GRID2: variants seen among roughly 807,000 people sequenced by gnomAD.
GRID2 encodes the protein glutamate receptor ionotropic, delta-2.
GRID2 carries 33 observed loss-of-function variants against 114.8 expected under a neutral mutation model. The observed-to-expected ratio is 0.29, with a 90% CI of 0.22 to 0.38. The LOEUF (loss-of-function observed/expected upper bound fraction) is 0.38. Ranked by LOEUF, GRID2 falls within the 10% of genes least tolerant of loss-of-function variation. The pLI, the probability that GRID2 is intolerant of heterozygous loss-of-function variation, is 1.00. For synonymous variants in GRID2, 505 were observed against 449.9 expected (o/e 1.12, Z -1.55); for missense variants, 1,184 against 1,257.7 (o/e 0.94, Z 0.89).
chr4:93,584,534 TG>T (rs1180889304), intron 13 of GRID2, among the ~76,000 whole-genome samples: 3 of 152,120 alleles, frequency 2.0e-5, no homozygotes, highest in African/African-American at 7.2e-5. Context: ...TGAACTATTG[TG>T]TTCTAGTCTT....
rs1304360148 is a variant in GRID2 at position 92,420,679 on chromosome 4, T to C, written c.88+115935T>C. Among the ~76,000 whole-genome samples, 5 of 152,136 alleles carry C rather than the reference T, an allele frequency of 3.3e-5. No individual in the cohort carries two copies. In the East Asian group the frequency reaches 7.7e-4, roughly 24 times the overall value. ...ATGGACATCACCCACACTGAAATGT[T>C]TTTTGTTTTGTTTTGTTTTGTTTGA... On this transcript the variant is annotated intron_variant, in intron 1 of 15. Coordinates refer to ENST00000282020, the MANE Select transcript of GRID2 (RefSeq NM_001510.4).
chr4:92,935,260 T>G lies in GRID2; in HGVS notation c.245-149735T>G, dbSNP rs565466252. Among the ~76,000 whole-genome samples, 13 of 147,408 alleles carry G rather than the reference T, an allele frequency of 8.8e-5. 1 individual carries two copies. The East Asian group carries it at 2.6e-3, about 29-fold the overall frequency. ...GACACTTCTCAAAAGAAGACATTTATGCAGCCAAAAAACACATGAAAAAAG... is the reference window on the plus strand; with the variant it reads ...GACACTTCTCAAAAGAAGACATTTAGGCAGCCAAAAAACACATGAAAAAAG... On this transcript the variant is annotated intron_variant, in intron 2 of 15. Transcript: ENST00000282020.
At chr4:92,782,277 T>C (rs1159910782) in intron 2 of GRID2, among the ~76,000 whole-genome samples, 1 of 152,090 alleles carries the variant, frequency 6.6e-6, no homozygotes. Flanking sequence ...TGTGCTAAAA[T>C]TGTATCATTA....
intron 8 of GRID2, among the ~76,000 whole-genome samples, chr4:93,252,033 T>C (rs76377542): frequency 1.9e-3 from 290 of 152,270 alleles, no homozygotes; most frequent in South Asian, 0.012. Flanking sequence ...TATTTCAGTC[T>C]TTAGGACTTT....
At chr4:93,052,053 A>C (rs540342596) in intron 2 of GRID2, among the ~76,000 whole-genome samples, 1 of 152,132 alleles carries the variant, frequency 6.6e-6, no homozygotes, top group African/African-American at 2.4e-5. Flanking sequence ...TATTTTTGTC[A>C]GTCTAGAATA....
intron 1 of GRID2, among the ~76,000 whole-genome samples, chr4:92,560,609 C>A (rs1727059180): frequency 6.8e-6 from 1 of 147,388 alleles, no homozygotes; most frequent in African/African-American, 2.7e-5. Context: ...TTGGTTAGAT[C>A]CATTTATCTG....
At chr4:93,558,888 T>G (rs1734601011) in intron 13 of GRID2, among the ~76,000 whole-genome samples, 2 of 152,292 alleles carry the variant, frequency 1.3e-5, no homozygotes, top group South Asian at 4.1e-4. Context: ...TTATTCACCA[T>G]GATCAAGTCA....
intron 8 of GRID2, chr4:93,318,888 A>C (rs1756949708): frequency 6.6e-6 from 1 of 152,176 alleles, no homozygotes; most frequent in African/African-American, 2.4e-5. Context: ...GACAAGCAAG[A>C]TATAAAAAAT....
chr4:92,697,070 T>C (rs964820348), intron 2 of GRID2, among the ~76,000 whole-genome samples: 1 of 152,242 alleles, frequency 6.6e-6, no homozygotes. Flanking sequence ...TACAGTGGCA[T>C]GAGCCTTAAA....
intron 1 of GRID2, among the ~76,000 whole-genome samples, chr4:92,583,891 A>G (rs1419942381): frequency 8.3e-6 from 1 of 120,918 alleles, no homozygotes; most frequent in Non-Finnish European, 1.7e-5. Context: ...ATATGTGCAT[A>G]TATATGTGTA....
chr4:93,092,348 G>T (rs576414423), intron 3 of GRID2, among the ~76,000 whole-genome samples: 120 of 152,088 alleles, frequency 7.9e-4, no homozygotes, highest in African/African-American at 2.7e-3. Flanking sequence ...ATAATAACAC[G>T]ACCTAAAAAA....
intron 2 of GRID2, among the ~76,000 whole-genome samples, chr4:92,666,658 T>TTTTTTTG (rs1466890076): frequency 3.1e-5 from 4 of 130,818 alleles, no homozygotes; most frequent in African/African-American, 5.5e-5. Context: ...TTGTTTTTTT[T>TTTTTTTG]TTTTTTTTTT....
At chr4:92,455,632 G>A (rs1470657460) in intron 1 of GRID2, among the ~76,000 whole-genome samples, 1 of 152,122 alleles carries the variant, frequency 6.6e-6, no homozygotes, top group African/African-American at 2.4e-5. Flanking sequence ...AGGAGCATGT[G>A]CTCAAGGAAA....
chr4:92,458,469 G>A (rs1385003916), intron 1 of GRID2, among the ~76,000 whole-genome samples: 2 of 152,212 alleles, frequency 1.3e-5, no homozygotes, highest in East Asian at 1.9e-4. Flanking sequence ...GTGGCACATG[G>A]AGTCCCTTGA....
At chr4:93,312,235 G>T (rs1429007570) in intron 8 of GRID2, among the ~76,000 whole-genome samples, 1 of 152,152 alleles carries the variant, frequency 6.6e-6, no homozygotes, top group African/African-American at 2.4e-5. Flanking sequence ...GGAAAAATGT[G>T]AATAAGTATA....
intron 2 of GRID2, among the ~76,000 whole-genome samples, chr4:92,758,832 T>G (rs1434551909): frequency 2.6e-5 from 4 of 152,078 alleles, no homozygotes; most frequent in Non-Finnish European, 5.9e-5. Flanking sequence ...CTATTCTATA[T>G]AGATGTAAAG....
intron 2 of GRID2, among the ~76,000 whole-genome samples, chr4:92,640,581 A>G (rs1731294474): frequency 6.6e-6 from 1 of 151,940 alleles, no homozygotes; most frequent in South Asian, 2.1e-4. Context: ...GGAAGAAAAT[A>G]AATTCTGATA....
chr4:92,661,940 G>T (rs1284978262), intron 2 of GRID2, among the ~76,000 whole-genome samples: 2 of 150,838 alleles, frequency 1.3e-5, no homozygotes, highest in Non-Finnish European at 3.0e-5. Context: ...AGTTACTATG[G>T]CATCATATTT....
In GRID2 at chr4:92,951,400, G is replaced by A. The variant is rs1172978864; in HGVS notation, c.245-133595G>A. On this transcript the variant is annotated intron_variant, in intron 2 of 15. Transcript: ENST00000282020. ...AGGATCTCACTTTTTCACCCAGGCT[G>A]TGCAGTGGCGCAGTCACACCTCGCT... Among the ~76,000 whole-genome samples the A allele has an allele frequency of 4.0e-5, 6 of 151,726 alleles. No individual in the cohort carries two copies. The East Asian group carries it at 1.2e-3, about 29-fold the overall frequency.
Sources: allele counts gnomAD v4.1 joint callset (sites outside exome capture counted in the v4.1 genomes callset), GRCh38; gene constraint gnomAD v4.1.1; transcripts MANE v1.5; gene names NCBI Gene and HGNC (gene_info 2026-07-23, HGNC 2026-07-21).